CPT1A: variants seen among roughly 807,000 people sequenced by gnomAD.
The protein encoded by CPT1A is carnitine O-palmitoyltransferase 1, liver isoform.
In CPT1A, 64 loss-of-function variants were observed where a neutral mutation model predicts 100.8. The ratio of observed to expected loss-of-function variants is 0.63; its 90% CI spans 0.52 to 0.78. CPT1A has a LOEUF of 0.78. Among genes scored for constraint, CPT1A ranks in the 30% least tolerant of loss-of-function variants. The pLI, the probability that CPT1A is intolerant of heterozygous loss-of-function variation, is 0.00. For synonymous variants in CPT1A, 363 were observed against 396.0 expected (o/e 0.92, Z 0.99); for missense variants, 802 against 1,034.1 (o/e 0.78, Z 3.08).
At chr11:68,780,499 G>A (rs1855277402) in intron 12 of CPT1A, 141 bp downstream of exon 12, 1 of 694,714 alleles carries the variant, frequency 1.4e-6, no homozygotes, top group Non-Finnish European at 2.6e-6. Context: ...GGCCAGGCTG[G>A]TCTTGAACTC....
intron 5 of CPT1A, among the ~76,000 whole-genome samples, chr11:68,801,722 G>A (rs1304932797): frequency 6.9e-6 from 1 of 145,840 alleles, no homozygotes; most frequent in Non-Finnish European, 1.5e-5. Context: ...AACCCGAGAA[G>A]TTTTTGCTTA....
intron 7 of CPT1A, 123 bp from the exon 8 acceptor site, chr11:68,795,034 G>A (rs1855721521): frequency 1.2e-5 from 9 of 754,306 alleles, no homozygotes; most frequent in South Asian, 4.3e-5. Context: ...ATACATATTC[G>A]GTTACATCTG....
At chr11:68,787,667 T>C (rs937638465) in intron 9 of CPT1A, among the ~76,000 whole-genome samples, 1 of 151,730 alleles carries the variant, frequency 6.6e-6, no homozygotes, top group African/African-American at 2.4e-5. Context: ...TAGGGTTGGG[T>C]GCGGTGGCTC....
At chr11:68,819,698 G>A (rs1566381271) in intron 1 of CPT1A, among the ~76,000 whole-genome samples, 1 of 152,328 alleles carries the variant, frequency 6.6e-6, no homozygotes, top group Middle Eastern at 3.4e-3. Flanking sequence ...AAACGCCCTC[G>A]CAGAGCGATC....
chr11:68,787,018 A>G (rs1855481972), intron 9 of CPT1A, among the ~76,000 whole-genome samples: 1 of 152,226 alleles, frequency 6.6e-6, no homozygotes, highest in African/African-American at 2.4e-5. Context: ...CTGGCCGGGC[A>G]ATAAAATAAG....
At chr11:68,785,082 C>A in intron 9 of CPT1A, 72 bp from the exon 10 acceptor site, 1 of 1,367,466 alleles carries the variant, frequency 7.3e-7, no homozygotes, top group East Asian at 2.3e-5. Context: ...CGACCGTACC[C>A]TGACTCTGCA....
At chr11:68,796,810 C>T (rs375554054) in intron 7 of CPT1A, 46 bp downstream of exon 7, 129 of 1,589,864 alleles carry the variant, frequency 8.1e-5, no homozygotes, top group Non-Finnish European at 1.0e-4. Context: ...ACAGACCCGC[C>T]GCCCCACCGT....
At chr11:68,788,574 C>T (rs1855525631) in intron 9 of CPT1A, among the ~76,000 whole-genome samples, 1 of 135,202 alleles carries the variant, frequency 7.4e-6, no homozygotes, top group Admixed American at 8.9e-5. Flanking sequence ...ACTCCAGCCT[C>T]GGCAACAGAG....
At chr11:68,767,173 CATGAAAACAAAA>C (rs768767362) in intron 14 of CPT1A, among the ~76,000 whole-genome samples, 9 of 152,190 alleles carry the variant, frequency 5.9e-5, no homozygotes, top group Non-Finnish European at 1.3e-4. Flanking sequence ...CTTTCTAAGC[CATGAAAACAAAA>C]ATGAAAACAA....
chr11:68,812,562 A>C lies in CPT1A; in HGVS notation c.156T>G (p.Thr52=), dbSNP rs1255452319. The C allele has an allele frequency of 1.2e-6, 2 of 1,614,156 alleles. No homozygotes were observed. Among genetic ancestry groups the C allele is most frequent in the Non-Finnish European group, 1.7e-6 (2 of 1,180,020 alleles). The change falls in exon 3 of 19, where the codon ACT becomes ACG. Residue 52 remains threonine, a synonymous_variant. Transcript: ENST00000265641. ...TGGAGGGGCTTGCCGGGTACACGCC[A>C]GTGATGATGCCGTTCTAAAGACAGA... ...KFIRFKNGII[T]GVYPASPSSW... is the part of the protein sequence containing the mutation.
At chr11:68,799,523 T>C (rs925113603) in intron 5 of CPT1A, among the ~76,000 whole-genome samples, 168 bp from the exon 6 acceptor site, 1 of 152,024 alleles carries the variant, frequency 6.6e-6, no homozygotes, top group African/African-American at 2.4e-5. Context: ...TCAAGGCCAG[T>C]GGATTGCTTG....
intron 1 of CPT1A, among the ~76,000 whole-genome samples, chr11:68,838,694 C>T (rs1857084331): frequency 6.6e-6 from 1 of 152,064 alleles, no homozygotes; most frequent in African/African-American, 2.4e-5. Context: ...CCACCTCAGC[C>T]TCCTGAGTAG....
intron 1 of CPT1A, among the ~76,000 whole-genome samples, chr11:68,817,759 G>T (rs1594366173): frequency 6.8e-6 from 1 of 146,774 alleles, no homozygotes; most frequent in Non-Finnish European, 1.5e-5. Context: ...TTGGGGGGGG[G>T]TCAGTGGCGG....
chr11:68,830,107 T>C (rs903550586), intron 1 of CPT1A, among the ~76,000 whole-genome samples: 1 of 152,024 alleles, frequency 6.6e-6, no homozygotes, highest in Non-Finnish European at 1.5e-5. Flanking sequence ...CAAAACTCCT[T>C]CTCTGCCAAA....
At chr11:68,785,657 G>A in intron 9 of CPT1A, 1 of 165,162 alleles carries the variant, frequency 6.1e-6, no homozygotes, top group Non-Finnish European at 1.2e-5. Context: ...CCTCTCCTCA[G>A]TAAAATGGAG....
intron 13 of CPT1A, 109 bp from the exon 14 acceptor site, chr11:68,773,538 T>C: frequency 1.9e-6 from 3 of 1,564,366 alleles, no homozygotes; most frequent in Non-Finnish European, 2.6e-6. Context: ...AACTCGGTAC[T>C]GGGAAGTACA....
At position 68,785,873 on chromosome 11, in the gene CPT1A, A is replaced by C. The variant is rs1309032862; in HGVS notation, c.968-863T>G. On this transcript the variant is annotated intron_variant, in intron 9 of 18. Transcript: ENST00000265641. ...AAGAAAGTGGAAAATTACGAAACCA[A>C]GCCATTCCGTAAAAACTACTAAAAC... 3 of 553,074 alleles carry C rather than the reference A, an allele frequency of 5.4e-6. No individual in the cohort carries two copies. In the Admixed American group the frequency reaches 1.0e-4, roughly 19 times the overall value. The allele number at this position is 553,074 out of a possible 1,614,324, so 34.3% of individuals were successfully genotyped here. A position where few individuals can be genotyped will look rare whatever the true frequency, so the allele number is the denominator to read the frequency against.
upstream of CPT1A, among the ~76,000 whole-genome samples, chr11:68,843,499 G>A (rs1454502325): frequency 6.6e-6 from 1 of 152,176 alleles, no homozygotes; most frequent in Admixed American, 6.5e-5. The surrounding 1 kb of genome is among the most constrained non-coding windows in gnomAD (Gnocchi z 4.0). Context: ...TGGTGACACA[G>A]GCCAAGCTAC....
At chr11:68,765,373 A>T (rs1854764543) in intron 14 of CPT1A, among the ~76,000 whole-genome samples, 1 of 152,182 alleles carries the variant, frequency 6.6e-6, no homozygotes, top group South Asian at 2.1e-4. Flanking sequence ...TTAGTGTGCA[A>T]GCCCCACTGG....
Sources: gnomAD v4.1 joint callset for allele counts (sites outside exome capture counted in the v4.1 genomes callset) on GRCh38, gnomAD v4.1.1 for gene constraint, Gnocchi (gnomAD v3.1) non-coding constraint, MANE v1.5 for transcripts, NCBI Gene and HGNC (gene_info 2026-07-23, HGNC 2026-07-21) for gene names.